The following MIR2052HG variants were observed in gnomAD, a reference collection of about 807,000 sequenced individuals.
MIR2052HG encodes the protein MIR2052 host gene.
At chr8:74,621,399 G>A (rs1216682293) in intron 2 of MIR2052HG, among the ~76,000 whole-genome samples, 2 of 152,178 alleles carry the variant, frequency 1.3e-5, no homozygotes, top group African/African-American at 4.8e-5. Flanking sequence ...TTCTCACACT[G>A]CTATGAAAAA....
chr8:74,748,789 A>T (rs1484600413), intron 4 of MIR2052HG, among the ~76,000 whole-genome samples: 3 of 152,136 alleles, frequency 2.0e-5, no homozygotes, highest in Non-Finnish European at 4.4e-5. Flanking sequence ...TGCTGTGGAG[A>T]TTCTGCAATG....
intron 4 of MIR2052HG, among the ~76,000 whole-genome samples, chr8:74,729,857 A>C (rs1809672973): frequency 1.3e-5 from 2 of 152,176 alleles, no homozygotes; most frequent in Non-Finnish European, 2.9e-5. Context: ...TTTGATCTTC[A>C]GCACTTTTTG....
At chr8:74,663,269 A>C (rs544871080) in intron 2 of MIR2052HG, among the ~76,000 whole-genome samples, 1 of 152,258 alleles carries the variant, frequency 6.6e-6, no homozygotes, top group Non-Finnish European at 1.5e-5. Context: ...AGTAATGACA[A>C]AGTTTATTGG....
chr8:74,698,518 A>C (rs1211238689), intron 2 of MIR2052HG, among the ~76,000 whole-genome samples: 1 of 152,218 alleles, frequency 6.6e-6, no homozygotes, highest in Non-Finnish European at 1.5e-5. Flanking sequence ...GGACTTAATT[A>C]AACTAAAAAG....
At chr8:74,684,611 TAG>T (rs1237585114) in intron 2 of MIR2052HG, among the ~76,000 whole-genome samples, 1 of 152,062 alleles carries the variant, frequency 6.6e-6, no homozygotes, top group Non-Finnish European at 1.5e-5. Context: ...AAAGTCAAAA[TAG>T]AAAGTCAAAA....
At chr8:74,697,558 A>G (rs560472115) in intron 2 of MIR2052HG, among the ~76,000 whole-genome samples, 1 of 152,146 alleles carries the variant, frequency 6.6e-6, no homozygotes, top group Non-Finnish European at 1.5e-5. Context: ...TGATGATATC[A>G]TCCTATTCTT....
chr8:74,739,210 G>A (rs1201519246), intron 4 of MIR2052HG, among the ~76,000 whole-genome samples: 1 of 152,154 alleles, frequency 6.6e-6, no homozygotes, highest in African/African-American at 2.4e-5. Flanking sequence ...TTTCTGTGTG[G>A]TTCTTGTGTT....
chr8:74,708,112 C>T (rs947817407), intron 4 of MIR2052HG, among the ~76,000 whole-genome samples: 5 of 152,086 alleles, frequency 3.3e-5, no homozygotes, highest in Non-Finnish European at 7.4e-5. Context: ...AGCCATTTTG[C>T]TCCAGGGAAT....
At chr8:74,728,349 T>C (rs144175355) in intron 4 of MIR2052HG, among the ~76,000 whole-genome samples, 6 of 152,288 alleles carry the variant, frequency 3.9e-5, no homozygotes, top group Non-Finnish European at 7.4e-5. Context: ...GAATCTGAGA[T>C]TGTCAGAATA....
intron 2 of MIR2052HG, among the ~76,000 whole-genome samples, chr8:74,687,103 A>G (rs757500783): frequency 6.6e-6 from 1 of 152,180 alleles, no homozygotes; most frequent in Non-Finnish European, 1.5e-5. Flanking sequence ...AAAGATGTTC[A>G]ACATCATTAA....
intron 1 of MIR2052HG, among the ~76,000 whole-genome samples, chr8:74,611,993 C>T (rs1808202791): frequency 6.6e-6 from 1 of 152,226 alleles, no homozygotes; most frequent in Admixed American, 6.5e-5. Flanking sequence ...AGGGCAAGCT[C>T]ATCCCCCGAA....
intron 2 of MIR2052HG, among the ~76,000 whole-genome samples, chr8:74,643,473 G>A (rs762859374): frequency 2.0e-5 from 3 of 152,146 alleles, no homozygotes; most frequent in Non-Finnish European, 2.9e-5. Flanking sequence ...CCAGAAGTCC[G>A]GAGGTATATT....
At chr8:74,755,036 G>A (rs1048458121) in intron 5 of MIR2052HG, among the ~76,000 whole-genome samples, 7 of 152,196 alleles carry the variant, frequency 4.6e-5, no homozygotes, top group Admixed American at 1.3e-4. Context: ...GAATTAGGTC[G>A]TCCAGGGGAC....
intron 2 of MIR2052HG, among the ~76,000 whole-genome samples, chr8:74,649,878 C>A (rs1468246312): frequency 6.6e-6 from 1 of 151,706 alleles, no homozygotes; most frequent in Non-Finnish European, 1.5e-5. Flanking sequence ...ATATAAATGT[C>A]CAGATAGTCA....
intron 2 of MIR2052HG, chr8:74,633,130 C>T (rs555410459): frequency 6.6e-6 from 1 of 152,636 alleles, no homozygotes; most frequent in South Asian, 2.1e-4. Flanking sequence ...AGCAGTCCTC[C>T]CACCTCAGTT....
At chr8:74,727,423 G>A (rs1323957835) in intron 4 of MIR2052HG, among the ~76,000 whole-genome samples, 2 of 152,086 alleles carry the variant, frequency 1.3e-5, no homozygotes, top group African/African-American at 4.8e-5. Context: ...AAAATATAAA[G>A]AAATTATTAT....
intron 1 of MIR2052HG, among the ~76,000 whole-genome samples, chr8:74,611,532 C>T (rs946168790): frequency 5.9e-5 from 9 of 152,280 alleles, no homozygotes; most frequent in African/African-American, 1.9e-4. Flanking sequence ...TGTCTGTTAA[C>T]ATCCCCTGCT....
intron 2 of MIR2052HG, among the ~76,000 whole-genome samples, chr8:74,647,866 A>G (rs536215214): frequency 1.5e-4 from 23 of 152,206 alleles, no homozygotes; most frequent in African/African-American, 5.1e-4. Flanking sequence ...CACTTCCCCA[A>G]TCAATATTCT....
chr8:74,670,745 T>C (rs867516381), intron 2 of MIR2052HG, among the ~76,000 whole-genome samples: 1 of 152,088 alleles, frequency 6.6e-6, no homozygotes, highest in African/African-American at 2.4e-5. Flanking sequence ...CTGGGAGAAA[T>C]GTTGAAAAAT....
Sources: allele counts gnomAD v4.1 joint callset (sites outside exome capture counted in the v4.1 genomes callset), GRCh38; gene constraint gnomAD v4.1.1; transcripts MANE v1.5; gene names NCBI Gene and HGNC (gene_info 2026-07-23, HGNC 2026-07-21).